ACER2: variants seen among roughly 807,000 people sequenced by gnomAD.
The protein encoded by ACER2 is alkaline ceramidase 2.
Under a neutral mutation model 34.7 loss-of-function variants are expected in ACER2, and 26 were observed. The observed-to-expected ratio is 0.75, with a 90% CI of 0.55 to 1.04. The LOEUF (loss-of-function observed/expected upper bound fraction) is 1.04, where lower values mean the gene tolerates loss of function less well. ACER2 is among the 50% of genes least tolerant of loss of function. The pLI is 0.00. For synonymous variants in ACER2, 138 were observed against 132.1 expected (o/e 1.04, Z -0.31); for missense variants, 352 against 340.8 (o/e 1.03, Z -0.26).
intron 1 of ACER2, among the ~76,000 whole-genome samples, chr9:19,412,033 A>G (rs1384875719): frequency 6.6e-6 from 1 of 152,198 alleles, no homozygotes; most frequent in African/African-American, 2.4e-5. Flanking sequence ...TGACTCTACC[A>G]AGAGAGTTAT....
intron 1 of ACER2, among the ~76,000 whole-genome samples, chr9:19,410,429 G>C (rs1296234497): frequency 4.6e-5 from 7 of 152,124 alleles, no homozygotes; most frequent in African/African-American, 1.4e-4. Flanking sequence ...AAAACCTAAG[G>C]CTGGGCGTTG....
intron 3 of ACER2, among the ~76,000 whole-genome samples, chr9:19,428,207 G>T (rs1484517961): frequency 6.7e-6 from 1 of 148,930 alleles, no homozygotes; most frequent in Non-Finnish European, 1.5e-5. Flanking sequence ...CACTCTTATT[G>T]CCCGGGCTGG....
At chr9:19,446,503 C>T (rs1831369832) in intron 5 of ACER2, 85 bp downstream of exon 5, 2 of 1,591,728 alleles carry the variant, frequency 1.3e-6, no homozygotes, top group African/African-American at 1.3e-5. Flanking sequence ...AAGTGGTGCA[C>T]AGGTGTCCTG....
intron 1 of ACER2, among the ~76,000 whole-genome samples, chr9:19,416,421 G>C (rs568907666): frequency 1.3e-5 from 2 of 152,326 alleles, no homozygotes; most frequent in African/African-American, 4.8e-5. Context: ...AAGGAGCCGG[G>C]CTCTGTGCAG....
At chr9:19,442,416 G>A (rs942428142) in intron 4 of ACER2, among the ~76,000 whole-genome samples, 12 of 152,300 alleles carry the variant, frequency 7.9e-5, no homozygotes, top group Middle Eastern at 3.4e-3. Flanking sequence ...GACAAGCCCC[G>A]AGTGCAAATA....
At chr9:19,434,370 T>C (rs1201270433) in intron 3 of ACER2, among the ~76,000 whole-genome samples, 1 of 150,370 alleles carries the variant, frequency 6.7e-6, no homozygotes, top group Non-Finnish European at 1.5e-5. Flanking sequence ...CCAGACGGGG[T>C]GGCGGCCGGG....
At chr9:19,439,591 C>T (rs1163674217) in intron 4 of ACER2, among the ~76,000 whole-genome samples, 1 of 152,204 alleles carries the variant, frequency 6.6e-6, no homozygotes, top group Admixed American at 6.5e-5. Flanking sequence ...CTACTGCCTT[C>T]TCAAACACCC....
intron 4 of ACER2, among the ~76,000 whole-genome samples, chr9:19,444,298 G>A (rs542559592): frequency 5.1e-4 from 76 of 148,590 alleles, no homozygotes; most frequent in African/African-American, 1.9e-3. Context: ...TGCAAGCTCC[G>A]CCTCCCGGGT....
intron 4 of ACER2, among the ~76,000 whole-genome samples, chr9:19,442,217 A>G (rs920412886): frequency 1.3e-5 from 2 of 152,186 alleles, no homozygotes; most frequent in Admixed American, 6.5e-5. Flanking sequence ...GAGTGATTTT[A>G]TTGTTAAGAA....
At chr9:19,411,152 T>C (rs1348455022) in intron 1 of ACER2, among the ~76,000 whole-genome samples, 4 of 152,210 alleles carry the variant, frequency 2.6e-5, no homozygotes, top group African/African-American at 7.2e-5. Flanking sequence ...TTACTCTATG[T>C]AGTGAGTGCT....
At chr9:19,432,106 C>T (rs62563720) in intron 3 of ACER2, among the ~76,000 whole-genome samples, 3,288 of 152,276 alleles carry the variant, frequency 0.022, 64 homozygotes, top group Middle Eastern at 0.17. Flanking sequence ...TCGCCACTTC[C>T]GGCTCTTTCT....
At chr9:19,411,020 C>T (rs1043301401) in intron 1 of ACER2, among the ~76,000 whole-genome samples, 1 of 152,164 alleles carries the variant, frequency 6.6e-6, no homozygotes, top group Non-Finnish European at 1.5e-5. Flanking sequence ...AGAGGGTCAA[C>T]CTTGGTTATT....
At chr9:19,443,071 C>T (rs186524915) in intron 4 of ACER2, among the ~76,000 whole-genome samples, 2 of 152,106 alleles carry the variant, frequency 1.3e-5, no homozygotes. Flanking sequence ...TGCTCAGTCG[C>T]CCAGGCTGGA....
intron 3 of ACER2, among the ~76,000 whole-genome samples, chr9:19,431,444 G>A (rs1830750572): frequency 6.6e-6 from 1 of 152,184 alleles, no homozygotes; most frequent in Non-Finnish European, 1.5e-5. Flanking sequence ...GAGAGGTGAT[G>A]CACTTTGGGT....
intron 4 of ACER2, among the ~76,000 whole-genome samples, chr9:19,441,054 T>C (rs891191136): frequency 1.6e-4 from 24 of 150,806 alleles, no homozygotes; most frequent in African/African-American, 2.7e-4. Context: ...TTTTCTTTTT[T>C]TTTTTTTTTT....
Position 19,409,196 on chromosome 9 carries a change from C to T in ACER2, c.108+4C>T. On this transcript the variant is annotated splice_donor_region_variant and intron_variant, in intron 1 of 5. Transcript: ENST00000340967. Reference sequence around the variant, plus strand: ...TATCGCCGAGTTCTACAACACGGTGCGGGGCGCGGGAGCGGGGAAGGCAGG... The same window carrying T: ...TATCGCCGAGTTCTACAACACGGTGTGGGGCGCGGGAGCGGGGAAGGCAGG... 1 of 1,576,328 alleles carries T rather than the reference C, an allele frequency of 6.3e-7. No homozygotes were observed. The highest frequency in any genetic ancestry group is 8.6e-7 in the Non-Finnish European group (1 of 1,161,326).
chr9:19,434,902 A>C, intron 3 of ACER2, 45 bp from the exon 4 acceptor site: 4 of 1,609,214 alleles, frequency 2.5e-6, no homozygotes, highest in Non-Finnish European at 3.4e-6. Flanking sequence ...CAAACAAACA[A>C]GAACTCCTTT....
chr9:19,426,358 TTCTCTC>T (rs59963606), intron 3 of ACER2, among the ~76,000 whole-genome samples: 2,924 of 118,278 alleles, frequency 0.025, 102 homozygotes, highest in African/African-American at 0.081. Context: ...CTCCCTCTCT[TTCTCTC>T]TCTCTCTCTC....
At chr9:19,450,349 C>G in intron 5 of ACER2, 101 bp from the exon 6 acceptor site, 6 of 1,392,228 alleles carry the variant, frequency 4.3e-6, no homozygotes, top group Non-Finnish European at 5.6e-6. Context: ...CAACTACAGT[C>G]AGCAAGGTGC....
Sources: gnomAD v4.1 joint callset for allele counts (sites outside exome capture counted in the v4.1 genomes callset) on GRCh38, gnomAD v4.1.1 for gene constraint, MANE v1.5 for transcripts, NCBI Gene and HGNC (gene_info 2026-07-23, HGNC 2026-07-21) for gene names.